The following LMLN variants were observed in gnomAD, a reference collection of about 807,000 sequenced individuals.
The protein encoded by LMLN is leishmanolysin-like peptidase.
LMLN carries 70 observed loss-of-function variants against 92.3 expected under a neutral mutation model. That is an observed-to-expected ratio of 0.76 (90% CI 0.63 to 0.92). The LOEUF (loss-of-function observed/expected upper bound fraction) is 0.92, where lower values mean the gene tolerates loss of function less well. Ranked by LOEUF, LMLN falls within the 40% of genes least tolerant of loss-of-function variation. The pLI is 0.00. For synonymous variants in LMLN, 308 were observed against 296.2 expected, an observed-to-expected ratio of 1.04 and a Z score of -0.41; for missense variants, 691 against 814.6, an observed-to-expected ratio of 0.85 and a Z score of 1.85.
intron 1 of LMLN, among the ~76,000 whole-genome samples, chr3:197,968,232 C>T (rs955205100): frequency 6.6e-6 from 1 of 151,790 alleles, no homozygotes; most frequent in Non-Finnish European, 1.5e-5. Flanking sequence ...TTTGGGAGGC[C>T]GAGGCGGGCG....
chr3:197,987,337 T>C (rs1196872633), intron 8 of LMLN, among the ~76,000 whole-genome samples: 2 of 151,566 alleles, frequency 1.3e-5, no homozygotes, highest in African/African-American at 2.4e-5. Flanking sequence ...TTTTTTGTAT[T>C]TTTAGTAGAG....
At chr3:198,030,733 T>G (rs1297943310) in intron 14 of LMLN, among the ~76,000 whole-genome samples, 1 of 152,204 alleles carries the variant, frequency 6.6e-6, no homozygotes, top group East Asian at 1.9e-4. Flanking sequence ...TGTCATATTC[T>G]TTTTTGGATT....
At chr3:198,000,781 G>A (rs550872494) in intron 11 of LMLN, among the ~76,000 whole-genome samples, 4 of 152,302 alleles carry the variant, frequency 2.6e-5, no homozygotes, top group Middle Eastern at 6.8e-3. Flanking sequence ...AAAGCTCTTA[G>A]TACAGCGCTT....
intron 1 of LMLN, among the ~76,000 whole-genome samples, chr3:197,963,447 T>C (rs1720964090): frequency 6.6e-6 from 1 of 152,212 alleles, no homozygotes; most frequent in Admixed American, 6.5e-5. Flanking sequence ...TGCCTCGACC[T>C]CCCAAAGTGC....
intron 8 of LMLN, 45 bp from the exon 9 acceptor site, chr3:197,990,514 T>A (rs1721835242): frequency 1.2e-6 from 1 of 805,292 alleles, no homozygotes; most frequent in Non-Finnish European, 2.1e-6. Flanking sequence ...ATATTTAAAA[T>A]GGTGAATTTT....
chr3:197,980,674 A>T, intron 6 of LMLN, 170 bp downstream of exon 6: 1 of 576,012 alleles, frequency 1.7e-6, no homozygotes, highest in Non-Finnish European at 3.0e-6. Flanking sequence ...CCGTGATTAG[A>T]CTGTTATTAA....
In LMLN at chr3:198,031,242, G is replaced by C. The variant is rs989700642; in HGVS notation, c.1657-4591G>C. Among the ~76,000 whole-genome samples, 10 of 152,172 alleles carry C rather than the reference G, an allele frequency of 6.6e-5. No individual in the cohort carries two copies. The highest frequency in any genetic ancestry group is 1.3e-4 in the Non-Finnish European group (9 of 68,018). ...TACAGAAAAGTAAAATGTATGCGGA[G>C]GCTAAAGGAAGATAAGAATTATTTT... On this transcript the variant is annotated intron_variant, in intron 14 of 15. Coordinates refer to ENST00000330198, the Ensembl canonical transcript of LMLN. The surrounding 1 kb of genome is among the most constrained non-coding windows in gnomAD (Gnocchi z 4.8).
At chr3:198,026,941 A>C (rs1179667047) in intron 14 of LMLN, among the ~76,000 whole-genome samples, 1 of 152,106 alleles carries the variant, frequency 6.6e-6, no homozygotes, top group Non-Finnish European at 1.5e-5. Flanking sequence ...CCTCTTAGTA[A>C]GGTAGGAAAT....
At chr3:198,039,244 G>A (rs1019353110) in exon 16 of LMLN, 1 of 156,700 alleles carries the variant, frequency 6.4e-6, no homozygotes, top group Non-Finnish European at 1.4e-5. Flanking sequence ...TAGGATAATG[G>A]GTGGAATTTT....
At chr3:198,017,778 G>A (rs149527311) in intron 11 of LMLN, among the ~76,000 whole-genome samples, 122 of 152,232 alleles carry the variant, frequency 8.0e-4, no homozygotes, top group East Asian at 2.1e-3. Context: ...TTAGCTGGGT[G>A]TAGTGGGACA....
intron 4 of LMLN, chr3:197,976,371 C>A: frequency 2.1e-6 from 1 of 481,552 alleles, no homozygotes; most frequent in Non-Finnish European, 3.7e-6. Context: ...CTTTTTCCCT[C>A]TTTCATGTGG....
intron 13 of LMLN, 33 bp downstream of exon 14, chr3:198,021,638 CA>C (rs1722787667): frequency 6.3e-7 from 1 of 1,575,194 alleles, no homozygotes; most frequent in African/African-American, 1.4e-5. Flanking sequence ...GTATTATATA[CA>C]TATTAAAATT....
At chr3:198,038,259 T>G (rs928776790) in intron 15 of LMLN, 3 of 294,264 alleles carry the variant, frequency 1.0e-5, no homozygotes, top group Admixed American at 4.7e-5. Context: ...AGAAGAAAGT[T>G]CTTCACCCCA....
intron 14 of LMLN, among the ~76,000 whole-genome samples, chr3:198,030,057 T>G (rs1723037695): frequency 6.6e-6 from 1 of 152,242 alleles, no homozygotes; most frequent in South Asian, 2.1e-4. Flanking sequence ...TTGGCCAGGC[T>G]GGTCTCAAAA....
chr3:197,984,967 C>T (rs1234650295), intron 7 of LMLN, among the ~76,000 whole-genome samples: 3 of 152,214 alleles, frequency 2.0e-5, no homozygotes, highest in Admixed American at 6.5e-5. Flanking sequence ...CATGAGCCAC[C>T]GCGCCCAGCC....
chr3:198,014,593 T>C (rs1487989468), intron 11 of LMLN, among the ~76,000 whole-genome samples: 7 of 89,468 alleles, frequency 7.8e-5, no homozygotes, highest in Non-Finnish European at 2.2e-5. Context: ...GCCCCCTAAC[T>C]AGTCTGACTT....
At chr3:197,981,827 C>T (rs1721565410) in intron 6 of LMLN, among the ~76,000 whole-genome samples, 1 of 146,142 alleles carries the variant, frequency 6.8e-6, no homozygotes, top group South Asian at 2.1e-4. Flanking sequence ...TTTTTGGAGA[C>T]ATAGTCTCGC....
At chr3:197,992,404 C>G (rs1226533741) in intron 9 of LMLN, among the ~76,000 whole-genome samples, 1 of 152,062 alleles carries the variant, frequency 6.6e-6, no homozygotes, top group Non-Finnish European at 1.5e-5. Flanking sequence ...AGTGACCAAC[C>G]TTTAGTTAGA....
rs1722008748 is a variant in LMLN, at chr3:197,996,082, G to A, written c.1048-93G>A. ...TTTCTCAACAAAGTAATTCTTTAAT[G>A]TTAACTTATTATATTCATGTGATGA... On this transcript the variant is annotated intron_variant, in intron 9 of 15. Coordinates refer to ENST00000330198, the Ensembl canonical transcript of LMLN. 3 of 542,150 alleles carry A rather than the reference G, an allele frequency of 5.5e-6. No homozygotes were observed. In the East Asian group the frequency reaches 1.0e-4, roughly 18 times the overall value. 33.6% of individuals were successfully genotyped at this position (542,150 alleles called of 1,614,324 possible).
Sources: allele counts gnomAD v4.1 joint callset (sites outside exome capture counted in the v4.1 genomes callset), GRCh38; gene constraint gnomAD v4.1.1; non-coding constraint Gnocchi (gnomAD v3.1); transcripts MANE v1.5; gene names NCBI Gene and HGNC (gene_info 2026-07-23, HGNC 2026-07-21).